The following PPM1H variants were observed in gnomAD, a reference collection of about 807,000 sequenced individuals.
The protein encoded by PPM1H is protein phosphatase 1H.
Under a neutral mutation model 54.9 loss-of-function variants are expected in PPM1H, and 27 were observed. That is an observed-to-expected ratio of 0.49 (90% CI 0.36 to 0.68). The LOEUF is 0.68. Among genes scored for constraint, PPM1H ranks in the 30% least tolerant of loss-of-function variants. The pLI is 0.00. For missense variants in PPM1H, 596 were observed against 667.8 expected, an observed-to-expected ratio of 0.89 and a Z score of 1.19; for synonymous variants, 305 against 270.8, an observed-to-expected ratio of 1.13 and a Z score of -1.24.
intron 1 of PPM1H, among the ~76,000 whole-genome samples, chr12:62,891,941 C>T (rs906576197): frequency 1.3e-4 from 20 of 152,014 alleles, no homozygotes; most frequent in Middle Eastern, 3.2e-3. Context: ...TATGTGCAGG[C>T]GTGTAGATAA....
At chr12:62,719,704 A>G (rs1462811334) in intron 6 of PPM1H, among the ~76,000 whole-genome samples, 1 of 152,218 alleles carries the variant, frequency 6.6e-6, no homozygotes, top group Non-Finnish European at 1.5e-5. Flanking sequence ...TTCAAAGGAT[A>G]TATCTTTTTA....
chr12:62,660,421 A>C (rs1338402843), intron 9 of PPM1H, among the ~76,000 whole-genome samples: 1 of 152,226 alleles, frequency 6.6e-6, no homozygotes, highest in Non-Finnish European at 1.5e-5. Context: ...GAGACATCAC[A>C]CTTCCTGACT....
chr12:62,929,629 A>G (rs1241358188), intron 1 of PPM1H, among the ~76,000 whole-genome samples: 1 of 152,184 alleles, frequency 6.6e-6, no homozygotes, highest in Non-Finnish European at 1.5e-5. Context: ...CTGCATGGTT[A>G]AACCCTTTGC....
intron 8 of PPM1H, among the ~76,000 whole-genome samples, chr12:62,674,200 G>A (rs774805784): frequency 2.0e-5 from 3 of 152,084 alleles, no homozygotes; most frequent in East Asian, 1.9e-4. Context: ...TCTGAATATC[G>A]TCTAGTTGGT....
intron 2 of PPM1H, among the ~76,000 whole-genome samples, chr12:62,830,570 G>A (rs549815874): frequency 1.3e-5 from 2 of 152,092 alleles, no homozygotes; most frequent in South Asian, 4.2e-4. Flanking sequence ...TTCCTTTTTA[G>A]AGTAGACAAA....
chr12:62,774,646 A>G (rs1227864247), intron 4 of PPM1H, among the ~76,000 whole-genome samples: 3 of 152,180 alleles, frequency 2.0e-5, no homozygotes, highest in Non-Finnish European at 4.4e-5. Context: ...CCAGCCAGGA[A>G]ACATCTGTCT....
intron 1 of PPM1H, among the ~76,000 whole-genome samples, chr12:62,926,772 T>C (rs1177299664): frequency 3.3e-5 from 5 of 152,074 alleles, no homozygotes; most frequent in African/African-American, 4.8e-5. Flanking sequence ...CTGACCAACA[T>C]GGAGAAACCC....
At chr12:62,812,966 G>GC (rs1160912362) in intron 2 of PPM1H, among the ~76,000 whole-genome samples, 1 of 151,552 alleles carries the variant, frequency 6.6e-6, no homozygotes, top group Non-Finnish European at 1.5e-5. Context: ...AAAATGACCA[G>GC]CTTAAATTTT....
chr12:62,890,861 G>C (rs891335698), intron 1 of PPM1H, among the ~76,000 whole-genome samples: 1 of 152,022 alleles, frequency 6.6e-6, no homozygotes, highest in African/African-American at 2.4e-5. Flanking sequence ...TGTAACCCCA[G>C]CACTTTGGGA....
In PPM1H at chr12:62,645,319, A is replaced by T. The variant is rs540410260; in HGVS notation, c.*3170T>A. The T allele has an allele frequency of 6.6e-6, 1 of 152,346 alleles. No individual in the cohort carries two copies. Among genetic ancestry groups the T allele is most frequent in the Admixed American group, 6.5e-5 (1 of 15,296 alleles). 9.4% of individuals were successfully genotyped at this position (152,346 alleles called of 1,614,324 possible). Reference sequence around the variant, plus strand: ...GTCACAGCTGACTTCACAAAGCCTCATGGAGGTTAAGTTGTTCAAGAATTT... The same window carrying T: ...GTCACAGCTGACTTCACAAAGCCTCTTGGAGGTTAAGTTGTTCAAGAATTT... On this transcript the variant is annotated 3_prime_UTR_variant, in exon 10 of 10. Coordinates refer to ENST00000228705, the MANE Select transcript of PPM1H (RefSeq NM_020700.2).
intron 1 of PPM1H, among the ~76,000 whole-genome samples, chr12:62,925,616 CT>C (rs1353257601): frequency 2.6e-5 from 4 of 152,172 alleles, no homozygotes; most frequent in Non-Finnish European, 4.4e-5. Context: ...GAGCAGAGCT[CT>C]GGTGTGTCAT....
intron 4 of PPM1H, among the ~76,000 whole-genome samples, chr12:62,745,268 C>T (rs186610588): frequency 6.6e-6 from 1 of 152,160 alleles, no homozygotes; most frequent in African/African-American, 2.4e-5. Flanking sequence ...CACTATGTTG[C>T]CTAGGCTCGT....
rs60561309 is a variant in PPM1H at position 62,717,451 on chromosome 12, C to CAGAG, written c.1073+2716_1073+2719dup. Among the ~76,000 whole-genome samples, 1,025 of 148,620 alleles carry CAGAG rather than the reference C, an allele frequency of 6.9e-3. 7 individuals carry two copies. Among genetic ancestry groups the CAGAG allele is most frequent in the African/African-American group, 0.022 (901 of 40,536 alleles). Reference sequence around the variant, plus strand: ...TTATCTGCTTAGGACCATGCTAATGCAGAGAGAGAGAGAGAGAGAGAGAGA... The same window carrying CAGAG: ...TTATCTGCTTAGGACCATGCTAATGCAGAGAGAGAGAGAGAGAGAGAGAGAGAGA... On this transcript the variant is annotated intron_variant, in intron 6 of 9. Coordinates refer to ENST00000228705, the MANE Select transcript of PPM1H (RefSeq NM_020700.2).
chr12:62,761,804 A>T (rs1177722515), intron 4 of PPM1H, among the ~76,000 whole-genome samples: 1 of 152,218 alleles, frequency 6.6e-6, no homozygotes, highest in Non-Finnish European at 1.5e-5. Flanking sequence ...CACAGCACTC[A>T]TGGGGGCATG....
At chr12:62,655,605 T>C (rs1372176631) in intron 9 of PPM1H, among the ~76,000 whole-genome samples, 2 of 152,166 alleles carry the variant, frequency 1.3e-5, no homozygotes, top group Non-Finnish European at 2.9e-5. Context: ...ATACATACTG[T>C]ATAAGCATAA....
chr12:62,902,231 G>A (rs1230094352), intron 1 of PPM1H, among the ~76,000 whole-genome samples: 1 of 151,670 alleles, frequency 6.6e-6, no homozygotes, highest in Non-Finnish European at 1.5e-5. Context: ...CGTGGTGGTG[G>A]GCATCCCAGC....
At chr12:62,693,517 G>A (rs555623893) in intron 7 of PPM1H, among the ~76,000 whole-genome samples, 11 of 152,322 alleles carry the variant, frequency 7.2e-5, no homozygotes, top group African/African-American at 2.6e-4. Context: ...GCTTGGCTGC[G>A]TGATCTGCCT....
chr12:62,694,675 C>A (rs4763026), intron 6 of PPM1H, among the ~76,000 whole-genome samples: 20,667 of 152,130 alleles, frequency 0.14, 1,676 homozygotes, highest in East Asian at 0.29. Flanking sequence ...TTGCTTATAA[C>A]CAAGTTAAAA....
chr12:62,823,536 A>T (rs2076917349), intron 2 of PPM1H, among the ~76,000 whole-genome samples: 1 of 152,212 alleles, frequency 6.6e-6, no homozygotes, highest in East Asian at 1.9e-4. Flanking sequence ...AGCTCATCAA[A>T]AAGCTTATCC....
Sources: allele counts gnomAD v4.1 joint callset (sites outside exome capture counted in the v4.1 genomes callset), GRCh38; gene constraint gnomAD v4.1.1; transcripts MANE v1.5; gene names NCBI Gene and HGNC (gene_info 2026-07-23, HGNC 2026-07-21).